The following RARB variants were observed in gnomAD, a reference collection of about 807,000 sequenced individuals.
RARB encodes the protein HBV-activated protein.
Under a neutral mutation model 51.9 loss-of-function variants are expected in RARB, and 17 were observed. The observed-to-expected ratio is 0.33, with a 90% CI of 0.22 to 0.49. The LOEUF (loss-of-function observed/expected upper bound fraction) is 0.49. RARB is among the 20% of genes least tolerant of loss of function. The pLI, the probability that RARB is intolerant of heterozygous loss-of-function variation, is 0.99. For synonymous variants in RARB, 215 were observed against 195.4 expected (o/e 1.10, Z -0.84); for missense variants, 369 against 550.8 (o/e 0.67, Z 3.30).
intron 5 of RARB, among the ~76,000 whole-genome samples, chr3:25,296,694 AAATTGTTTACTGTTT>A (rs1271447508): frequency 6.6e-6 from 1 of 152,206 alleles, no homozygotes; most frequent in Non-Finnish European, 1.5e-5. Flanking sequence ...TTCCCTGTCC[AAATTGTTTACTGTTT>A]AATTCAGTTC....
chr3:25,529,393 A>C (rs1698799074), intron 3 of RARB, among the ~76,000 whole-genome samples: 1 of 151,162 alleles, frequency 6.6e-6, no homozygotes, highest in African/African-American at 2.4e-5. Flanking sequence ...AACATGGATG[A>C]GGCTTAGGAT....
At chr3:25,327,176 A>G (rs76407238) in intron 5 of RARB, among the ~76,000 whole-genome samples, 8,065 of 152,230 alleles carry the variant, frequency 0.053, 227 homozygotes, top group Middle Eastern at 0.065. Context: ...ACATTTGGCT[A>G]TTAAGAATTA....
chr3:24,989,220 A>C (rs1293863197), intron 2 of RARB, among the ~76,000 whole-genome samples: 1 of 152,232 alleles, frequency 6.6e-6, no homozygotes, highest in Non-Finnish European at 1.5e-5. Context: ...AATGTTTAGC[A>C]ATCTATGTGG....
chr3:25,116,809 C>CTTA (rs1699694817), intron 3 of RARB, among the ~76,000 whole-genome samples: 1 of 152,022 alleles, frequency 6.6e-6, no homozygotes, highest in Non-Finnish European at 1.5e-5. Flanking sequence ...TGAAGACTAG[C>CTTA]TTTGTCTTCT....
intron 3 of RARB, among the ~76,000 whole-genome samples, chr3:25,535,584 T>C (rs1242359695): frequency 6.6e-6 from 1 of 152,056 alleles, no homozygotes; most frequent in African/African-American, 2.4e-5. Context: ...CGACAGGCCC[T>C]GGTGTGTGAT....
intron 5 of RARB, among the ~76,000 whole-genome samples, chr3:25,588,031 CAG>C (rs1701467749): frequency 6.6e-6 from 1 of 152,174 alleles, no homozygotes; most frequent in Non-Finnish European, 1.5e-5. Context: ...AAAGACACAA[CAG>C]AGAGCAAGAC....
intron 2 of RARB, among the ~76,000 whole-genome samples, chr3:24,965,780 T>C (rs1050219421): frequency 1.3e-5 from 2 of 152,192 alleles, no homozygotes; most frequent in Non-Finnish European, 2.9e-5. Context: ...TCTGTCACTT[T>C]TATTGGAAAT....
intron 1 of RARB, among the ~76,000 whole-genome samples, chr3:25,433,292 T>TAGGCTGCCCCTTGAATCC (rs11268221): frequency 6.6e-6 from 1 of 152,152 alleles, no homozygotes; most frequent in Non-Finnish European, 1.5e-5. Context: ...CAACATCTCC[T>TAGGCTGCCCCTTGAATCC]AGGAGTGGCA....
At chr3:24,852,893 G>A (rs1702578592) in intron 1 of RARB, among the ~76,000 whole-genome samples, 1 of 152,146 alleles carries the variant, frequency 6.6e-6, no homozygotes, top group Non-Finnish European at 1.5e-5. Context: ...TTGTGGTGAT[G>A]ATGGAAATGT....
intron 2 of RARB, among the ~76,000 whole-genome samples, chr3:24,926,552 C>G (rs932639133): frequency 6.6e-6 from 1 of 151,996 alleles, no homozygotes; most frequent in South Asian, 2.1e-4. Context: ...ATGACTTATG[C>G]TATAGCTGTT....
At chr3:25,384,063 A>G (rs1706715606) in intron 5 of RARB, among the ~76,000 whole-genome samples, 1 of 152,244 alleles carries the variant, frequency 6.6e-6, no homozygotes, top group Non-Finnish European at 1.5e-5. Context: ...AGAAAAAAAC[A>G]GAAACATAAT....
In RARB at chr3:25,245,256, C is replaced by T. The variant is rs117558528; in HGVS notation, c.178+70681C>T. Among the ~76,000 whole-genome samples, 245 of 152,166 alleles carry T rather than the reference C, an allele frequency of 1.6e-3. 8 individuals are homozygous for T. In the East Asian group the frequency reaches 0.03, roughly 18 times the overall value. The stretch of plus-strand genomic sequence containing the variant: ...ACACAGATGGGTTTTGATCTTTATC[C>T]AATTTGCCAATTTGTGCCTTTTAAT... On this transcript the variant is annotated intron_variant, in intron 5 of 11. Coordinates refer to the RARB transcript ENST00000383772.
intron 2 of RARB, among the ~76,000 whole-genome samples, chr3:24,880,104 A>G (rs987683743): frequency 1.3e-5 from 2 of 152,126 alleles, no homozygotes; most frequent in Admixed American, 6.5e-5. Flanking sequence ...CCAGTTCATC[A>G]ATGCTTAATT....
At position 25,406,307 on chromosome 3, in the gene RARB, A is replaced by G. The variant is rs141976896; in HGVS notation, c.179-54886A>G. ...GGCATTCACTCCAAAGAAGCACGCA[A>G]CCTCCATCAGGGATTGTATTTGTCT... On this transcript the variant is annotated intron_variant, in intron 5 of 11. Coordinates refer to the RARB transcript ENST00000383772. Among the ~76,000 whole-genome samples the G allele has an allele frequency of 9.3e-4, 142 of 152,252 alleles. 2 individuals carry two copies. The highest frequency in any genetic ancestry group is 3.3e-3 in the African/African-American group (137 of 41,550).
intron 5 of RARB, among the ~76,000 whole-genome samples, chr3:25,206,319 G>T (rs1448996610): frequency 6.6e-6 from 1 of 152,154 alleles, no homozygotes; most frequent in Non-Finnish European, 1.5e-5. Flanking sequence ...AGTGAAATTT[G>T]TAATTCTAAA....
At chr3:25,409,870 C>A (rs2125499884) in intron 5 of RARB, among the ~76,000 whole-genome samples, 1 of 152,274 alleles carries the variant, frequency 6.6e-6, no homozygotes, top group Non-Finnish European at 1.5e-5. Flanking sequence ...AGGAATCCTT[C>A]AGTGTTTAAT....
chr3:24,950,237 T>G (rs534851512), intron 2 of RARB, among the ~76,000 whole-genome samples: 10 of 152,338 alleles, frequency 6.6e-5, no homozygotes, highest in Non-Finnish European at 1.2e-4. Flanking sequence ...TACATATGTC[T>G]CGAAACAGTT....
At chr3:25,019,480 C>A (rs1697582529) in intron 2 of RARB, among the ~76,000 whole-genome samples, 1 of 151,898 alleles carries the variant, frequency 6.6e-6, no homozygotes, top group African/African-American at 2.4e-5. Context: ...ATGCCAAATT[C>A]CCTTTTTTTT....
intron 5 of RARB, among the ~76,000 whole-genome samples, chr3:25,347,535 T>C (rs1386079098): frequency 6.6e-6 from 1 of 152,256 alleles, no homozygotes; most frequent in Non-Finnish European, 1.5e-5. Flanking sequence ...TATCTTATTA[T>C]TACTTTCTTA....
Sources: gnomAD v4.1 joint callset for allele counts (sites outside exome capture counted in the v4.1 genomes callset) on GRCh38, gnomAD v4.1.1 for gene constraint, MANE v1.5 for transcripts, NCBI Gene and HGNC (gene_info 2026-07-23, HGNC 2026-07-21) for gene names.